CCDC68: variants seen among roughly 807,000 people sequenced by gnomAD.
The protein encoded by CCDC68 is coiled-coil domain containing 68, also known as coiled-coil domain-containing protein 68.
A neutral mutation model predicts 47.1 loss-of-function variants in CCDC68; 45 were observed. The observed-to-expected ratio is 0.96, with a 90% confidence interval of 0.75 to 1.23. The LOEUF is 1.23. CCDC68 is among the 50% of genes most tolerant of loss of function. The probability of loss-of-function intolerance (pLI) is 0.00; values close to 1 mark genes in which losing one functional copy is unlikely to be tolerated. For missense variants in CCDC68, 353 were observed against 373.6 expected (o/e 0.94, Z 0.45); for synonymous variants, 131 against 129.5 (o/e 1.01, Z -0.08).
chr18:54,940,277 T>C (rs986545874), intron 4 of CCDC68, among the ~76,000 whole-genome samples: 3 of 152,154 alleles, frequency 2.0e-5, no homozygotes, highest in Non-Finnish European at 4.4e-5. Context: ...TACTTGGAGG[T>C]CTAACAGGCA....
intron 7 of CCDC68, among the ~76,000 whole-genome samples, chr18:54,934,022 A>G (rs531967844): frequency 1.1e-4 from 17 of 152,368 alleles, no homozygotes; most frequent in African/African-American, 4.1e-4. Flanking sequence ...TAAAAAGAAT[A>G]CAGGCAAATA....
intron 8 of CCDC68, among the ~76,000 whole-genome samples, chr18:54,920,404 C>T (rs963118148): frequency 6.6e-6 from 1 of 152,000 alleles, no homozygotes; most frequent in Non-Finnish European, 1.5e-5. Flanking sequence ...CCACACCTGG[C>T]TAATTTTTGT....
At chr18:54,924,302 C>G (rs1196061679) in intron 8 of CCDC68, among the ~76,000 whole-genome samples, 1 of 151,610 alleles carries the variant, frequency 6.6e-6, no homozygotes, top group Non-Finnish European at 1.5e-5. Context: ...AAAAAAAACA[C>G]AAGAAGACTC....
intron 2 of CCDC68, among the ~76,000 whole-genome samples, chr18:54,944,324 T>C (rs1184356574): frequency 2.0e-5 from 3 of 152,018 alleles, no homozygotes; most frequent in Non-Finnish European, 4.4e-5. Flanking sequence ...AAGTAAACTA[T>C]AATAAAAAGC....
chr18:54,910,309 AG>A (rs1914282495), intron 10 of CCDC68, among the ~76,000 whole-genome samples: 1 of 152,168 alleles, frequency 6.6e-6, no homozygotes. Context: ...TCCTCTCTGC[AG>A]GCAGGTTGTC....
chr18:54,940,491 T>A (rs1280575848), intron 4 of CCDC68, among the ~76,000 whole-genome samples: 1 of 152,230 alleles, frequency 6.6e-6, no homozygotes, highest in Non-Finnish European at 1.5e-5. Flanking sequence ...TGGACAACAC[T>A]GATTAAGTAC....
rs1913844580 is a variant in CCDC68 at position 54,904,154 on chromosome 18, ATTTGGTAAGT to A, written c.*194_*203del. 2.5e-6 allele frequency: 1 copy of A among 393,380 alleles called. No individual in the cohort carries two copies. The highest frequency in any genetic ancestry group is 2.1e-5 in the African/African-American group (1 of 47,598). The allele number at this position is 393,380 out of a possible 1,614,324, so 24.4% of individuals were successfully genotyped here. Reference sequence around the variant, plus strand: ...GAGAAGGCACCTGGTTTCTTCAACTATTTGGTAAGTTTTGAAGAGTCCATCCATTAAATAT... The same window carrying A: ...GAGAAGGCACCTGGTTTCTTCAACTATTTGAAGAGTCCATCCATTAAATAT... On this transcript the variant is annotated 3_prime_UTR_variant, in exon 12 of 12. Coordinates refer to ENST00000591504, the MANE Select transcript of CCDC68 (RefSeq NM_025214.3).
chr18:54,938,762 A>G (rs2145566880), intron 4 of CCDC68, among the ~76,000 whole-genome samples: 1 of 152,376 alleles, frequency 6.6e-6, no homozygotes, highest in African/African-American at 2.4e-5. Flanking sequence ...GGGAGACCTC[A>G]TGGCACTGCC....
intron 1 of CCDC68, among the ~76,000 whole-genome samples, chr18:54,949,039 G>A (rs1398009653): frequency 6.6e-6 from 1 of 152,178 alleles, no homozygotes; most frequent in Non-Finnish European, 1.5e-5. Context: ...TCTTGCCCAG[G>A]TTTGAGTTAA....
At position 54,933,410 on chromosome 18, in the gene CCDC68, G is replaced by C. The variant is rs191802221; in HGVS notation, c.600+1410C>G. Among the ~76,000 whole-genome samples, 15 of 152,206 alleles carry C rather than the reference G, an allele frequency of 9.9e-5. No homozygotes were observed. The East Asian group carries it at 2.9e-3, about 29-fold the overall frequency. On this transcript the variant is annotated intron_variant, in intron 7 of 11. Coordinates refer to ENST00000591504, the MANE Select transcript of CCDC68 (RefSeq NM_025214.3). ...CTTTTGTTAATTTGGGGGCAGTGAC[G>C]GTTGCCACTAAACCTGACCAATATC...
intron 11 of CCDC68, among the ~76,000 whole-genome samples, chr18:54,905,855 G>C (rs192325681): frequency 6.6e-6 from 1 of 152,234 alleles, no homozygotes; most frequent in Non-Finnish European, 1.5e-5. Flanking sequence ...ATTACCTCCT[G>C]AGCTCCACCT....
At chr18:54,919,648 C>T (rs989765507) in intron 8 of CCDC68, among the ~76,000 whole-genome samples, 5 of 152,190 alleles carry the variant, frequency 3.3e-5, no homozygotes, top group East Asian at 1.9e-4. Context: ...GTAGTGGAAT[C>T]AAGTTATATT....
At chr18:54,958,667 G>A (rs1167344307) in intron 1 of CCDC68, among the ~76,000 whole-genome samples, 2 of 152,136 alleles carry the variant, frequency 1.3e-5, no homozygotes, top group Non-Finnish European at 2.9e-5. Context: ...TCACAGCTAT[G>A]TTATCATCCA....
chr18:54,909,586 T>C lies in CCDC68; in HGVS notation c.874-1724A>G, dbSNP rs144949142. ...CTGTGAACTACTGGCCTAGGTCTCA[T>C]GCCTGTCAAGGGCGAGTCAGGTGTG... On this transcript the variant is annotated intron_variant, in intron 10 of 11. Transcript: ENST00000591504. 1.2e-4 allele frequency among the ~76,000 whole-genome samples: 18 copies of C among 152,340 alleles called. No homozygotes were observed. In the East Asian group the frequency reaches 3.5e-3, roughly 29 times the overall value.
intron 10 of CCDC68, 24 bp from the exon 11 acceptor site, chr18:54,907,886 C>T (rs773100165): frequency 1.7e-5 from 22 of 1,291,642 alleles, no homozygotes; most frequent in Admixed American, 6.7e-5. Flanking sequence ...AAAATGCAGA[C>T]GTCAAATAGC....
intron 1 of CCDC68, among the ~76,000 whole-genome samples, chr18:54,947,163 AG>A (rs1398178614): frequency 1.3e-5 from 2 of 152,248 alleles, no homozygotes; most frequent in Non-Finnish European, 2.9e-5. Context: ...AAGTAGATTA[AG>A]GGGATAAAAT....
Position 54,937,953 on chromosome 18 carries a change from A to T in CCDC68, c.345+4T>A, listed in dbSNP as rs766153141. ...ACAAAATTTGAAACTTCTAAAAGTC[A>T]TACCTTGATTTTCAATACTTCATTC... On this transcript the variant is annotated splice_donor_region_variant and intron_variant, in intron 5 of 11. Coordinates refer to ENST00000591504, the MANE Select transcript of CCDC68 (RefSeq NM_025214.3). 3.1e-6 allele frequency: 5 copies of T among 1,608,932 alleles called. No homozygotes were observed. In the African/African-American group the frequency reaches 5.4e-5, roughly 17 times the overall value.
intron 11 of CCDC68, among the ~76,000 whole-genome samples, chr18:54,905,019 G>A (rs1049017776): frequency 1.3e-5 from 2 of 152,084 alleles, no homozygotes; most frequent in Non-Finnish European, 1.5e-5. Flanking sequence ...CAACACTTTG[G>A]GAGGCTGAGG....
At chr18:54,959,193 A>T (rs187620237) in intron 1 of CCDC68, 143 bp downstream of exon 1, 12 of 152,392 alleles carry the variant, frequency 7.9e-5, no homozygotes, top group Admixed American at 2.0e-4. Flanking sequence ...CTCTTCAACA[A>T]GGACCCTTTT....
Sources: gnomAD v4.1 joint callset for allele counts (sites outside exome capture counted in the v4.1 genomes callset) on GRCh38, gnomAD v4.1.1 for gene constraint, MANE v1.5 for transcripts, NCBI Gene and HGNC (gene_info 2026-07-23, HGNC 2026-07-21) for gene names.